The following OTUD3 variants were observed in gnomAD, a reference collection of about 807,000 sequenced individuals.
The protein encoded by OTUD3 is OTU domain-containing protein 3.
OTUD3 carries 24 observed loss-of-function variants against 46.2 expected under a neutral mutation model. That is an observed-to-expected ratio of 0.52 (90% CI 0.38 to 0.73). The LOEUF is 0.73. OTUD3 is among the 30% of genes least tolerant of loss of function. The pLI is 0.00. For synonymous variants in OTUD3, 189 were observed against 195.4 expected (o/e 0.97, Z 0.27); for missense variants, 455 against 523.3 (o/e 0.87, Z 1.27).
intron 1 of OTUD3, 105 bp downstream of exon 1, chr1:19,882,839 C>T (rs1206776237): frequency 4.7e-6 from 5 of 1,058,568 alleles, no homozygotes; most frequent in Non-Finnish European, 4.9e-6. Context: ...TCGGGCGGCC[C>T]GGGCGCCTCC....
At chr1:19,886,072 A>G (rs558380787) in intron 1 of OTUD3, among the ~76,000 whole-genome samples, 1 of 152,350 alleles carries the variant, frequency 6.6e-6, no homozygotes, top group Non-Finnish European at 1.5e-5. Flanking sequence ...GACCAGCTTC[A>G]TATTTCACGT....
intron 7 of OTUD3, 167 bp downstream of exon 7, chr1:19,906,783 T>C (rs1421365883): frequency 1.6e-6 from 1 of 614,952 alleles, no homozygotes; most frequent in Admixed American, 3.1e-5. Flanking sequence ...TGACCTCACT[T>C]ATCCTGTTTG....
At chr1:19,899,986 A>T (rs531770350) in intron 4 of OTUD3, among the ~76,000 whole-genome samples, 83 of 152,138 alleles carry the variant, frequency 5.5e-4, no homozygotes, top group African/African-American at 1.9e-3. Context: ...CTGTGATATG[A>T]GTTGCAAATA....
rs2045736505 is a variant in OTUD3 at position 19,911,766 on chromosome 1, TAGAA to T, written c.*4023_*4026del. On this transcript the variant is annotated 3_prime_UTR_variant, in exon 8 of 8. Transcript: ENST00000375120. ...AATTACGACGTCTGCCATCGCATAT[TAGAA>T]AGGGGACAGTCATATTTGTAACGTG... The T allele has an allele frequency of 1.3e-5, 2 of 152,284 alleles. No homozygotes were observed. Among genetic ancestry groups the T allele is most frequent in the Admixed American group, 1.3e-4 (2 of 15,272 alleles). 9.4% of individuals were successfully genotyped at this position (152,284 alleles called of 1,614,324 possible).
intron 4 of OTUD3, among the ~76,000 whole-genome samples, chr1:19,903,861 G>A (rs1314630722): frequency 6.6e-6 from 1 of 152,174 alleles, no homozygotes; most frequent in African/African-American, 2.4e-5. Flanking sequence ...TTGTATGTAG[G>A]TTTCTTCAAG....
At chr1:19,887,507 TAAAC>T (rs2045382861) in intron 1 of OTUD3, among the ~76,000 whole-genome samples, 1 of 152,226 alleles carries the variant, frequency 6.6e-6, no homozygotes, top group African/African-American at 2.4e-5. Context: ...CAACCACTAT[TAAAC>T]AACACACATC....
intron 2 of OTUD3, among the ~76,000 whole-genome samples, chr1:19,893,888 C>T (rs973015182): frequency 3.3e-5 from 5 of 152,224 alleles, no homozygotes; most frequent in East Asian, 1.9e-4. Context: ...CATTGGGCTG[C>T]GTAGGTGAAA....
chr1:19,883,086 G>A (rs2100221085), intron 1 of OTUD3, among the ~76,000 whole-genome samples: 1 of 152,360 alleles, frequency 6.6e-6, no homozygotes, highest in African/African-American at 2.4e-5. Flanking sequence ...GATGGAGCCA[G>A]GCATTGGAAA....
At chr1:19,896,005 G>A (rs1256117453) in intron 3 of OTUD3, among the ~76,000 whole-genome samples, 3 of 151,948 alleles carry the variant, frequency 2.0e-5, no homozygotes, top group African/African-American at 7.3e-5. Flanking sequence ...TATTTCTGTA[G>A]TGTTCTCTTT....
At chr1:19,887,579 G>A (rs2045385315) in intron 1 of OTUD3, among the ~76,000 whole-genome samples, 1 of 152,160 alleles carries the variant, frequency 6.6e-6, no homozygotes, top group South Asian at 2.1e-4. Context: ...AGTCTATATA[G>A]TCTACCTCCG....
rs2045279104 is a variant in OTUD3, at chr1:19,882,432, T to C, written c.-82T>C. On this transcript the variant is annotated 5_prime_UTR_variant, in exon 1 of 8. Transcript: ENST00000375120. Reference sequence around the variant, plus strand: ...TCGCCGGGCTCCGTTGCCCGCGCTGTTTTACCTTCCCAACGCTTGAGGCGG... The same window carrying C: ...TCGCCGGGCTCCGTTGCCCGCGCTGCTTTACCTTCCCAACGCTTGAGGCGG... 4 of 1,308,700 alleles carry C rather than the reference T, an allele frequency of 3.1e-6. 1 individual carries two copies. The highest frequency in any genetic ancestry group is 3.9e-6 in the Non-Finnish European group (4 of 1,034,542). The allele number at this position is 1,308,700 out of a possible 1,614,324, so 81.1% of individuals were successfully genotyped here.
intron 1 of OTUD3, among the ~76,000 whole-genome samples, chr1:19,885,891 G>A (rs1016129487): frequency 2.0e-5 from 3 of 152,240 alleles, no homozygotes. Flanking sequence ...GCCTGATACA[G>A]TATCTATGAG....
At chr1:19,890,966 A>G (rs538563712) in intron 2 of OTUD3, among the ~76,000 whole-genome samples, 3 of 152,368 alleles carry the variant, frequency 2.0e-5, no homozygotes, top group Admixed American at 6.5e-5. Context: ...GAAGGGAGAT[A>G]ATAATAGCAT....
At chr1:19,905,186 G>A (rs1283629737) in intron 6 of OTUD3, among the ~76,000 whole-genome samples, 199 bp downstream of exon 6, 1 of 152,112 alleles carries the variant, frequency 6.6e-6, no homozygotes, top group Non-Finnish European at 1.5e-5. Flanking sequence ...AGGGGTAGAG[G>A]GTGGATAGTG....
At chr1:19,898,250 A>T (rs2045542739) in intron 4 of OTUD3, among the ~76,000 whole-genome samples, 2 of 151,942 alleles carry the variant, frequency 1.3e-5, no homozygotes, top group Non-Finnish European at 2.9e-5. Context: ...ACCTGGCCTA[A>T]CTCATGCTTC....
intron 3 of OTUD3, among the ~76,000 whole-genome samples, chr1:19,896,591 C>T (rs1172755770): frequency 6.6e-6 from 1 of 152,128 alleles, no homozygotes; most frequent in Admixed American, 6.6e-5. Context: ...CCTGTTTGTT[C>T]CATGGTTTTT....
rs1387145263 is a variant in OTUD3 at position 19,909,714 on chromosome 1, G to A, written c.*1968G>A. 3 of 152,396 alleles carry A rather than the reference G, an allele frequency of 2.0e-5. No homozygotes were observed. The highest frequency in any genetic ancestry group is 4.4e-5 in the Non-Finnish European group (3 of 68,042). The allele number at this position is 152,396 out of a possible 1,614,324, so 9.4% of individuals were successfully genotyped here. A position where few individuals can be genotyped will look rare whatever the true frequency, so the allele number is the denominator to read the frequency against. On this transcript the variant is annotated 3_prime_UTR_variant, in exon 8 of 8. Transcript: ENST00000375120. The stretch of plus-strand genomic sequence containing the variant: ...GCTTAAGAGAGACTTATTGTCAGAA[G>A]TAGTAGAATTGCTTTATTTACTTGG...
At chr1:19,894,082 TTA>T (rs1470126095) in intron 2 of OTUD3, among the ~76,000 whole-genome samples, 1 of 152,244 alleles carries the variant, frequency 6.6e-6, no homozygotes, top group African/African-American at 2.4e-5. Context: ...GTGTTTATTG[TTA>T]TGTTTCTAGT....
intron 2 of OTUD3, 91 bp from the exon 3 acceptor site, chr1:19,894,277 T>C (rs2100275413): frequency 1.5e-6 from 1 of 685,006 alleles, no homozygotes; most frequent in Non-Finnish European, 2.5e-6. Context: ...CGTTGTTTCT[T>C]ATTATTTGGA....
Sources: gnomAD v4.1 joint callset for allele counts (sites outside exome capture counted in the v4.1 genomes callset) on GRCh38, gnomAD v4.1.1 for gene constraint, MANE v1.5 for transcripts, NCBI Gene and HGNC (gene_info 2026-07-23, HGNC 2026-07-21) for gene names.